Variants in SMYD3 observed in about 807,000 individuals in gnomAD.
SMYD3 encodes the protein SET and MYND domain containing 3.
A neutral mutation model predicts 57.7 loss-of-function variants in SMYD3; 36 were observed. That is an observed-to-expected ratio of 0.62 (90% confidence interval 0.48 to 0.82). SMYD3 has a LOEUF of 0.82. Ranked by LOEUF, SMYD3 falls within the 40% of genes least tolerant of loss-of-function variation. The pLI is 0.00. For missense variants in SMYD3, 515 were observed against 538.8 expected (o/e 0.96, Z 0.44); for synonymous variants, 211 against 195.0 (o/e 1.08, Z -0.68).
At position 245,939,719 on chromosome 1, in the gene SMYD3, C is replaced by G. The variant is rs534993211; in HGVS notation, c.532-9782G>C. 3.3e-5 allele frequency among the ~76,000 whole-genome samples: 5 copies of G among 152,286 alleles called. No homozygotes were observed. In the East Asian group the frequency reaches 9.6e-4, roughly 29 times the overall value. ...TCTGGTCCCCATCAACTTTTCTAGT[C>G]TCTTCTCTAGTGTCTGCCTTCTCAT... On this transcript the variant is annotated intron_variant, in intron 5 of 11. Coordinates refer to ENST00000490107, the MANE Select transcript of SMYD3 (RefSeq NM_001167740.2).
intron 10 of SMYD3, among the ~76,000 whole-genome samples, chr1:245,787,957 C>T (rs952811701): frequency 6.6e-6 from 1 of 152,178 alleles, no homozygotes; most frequent in Non-Finnish European, 1.5e-5. Flanking sequence ...GCTGAAGTGT[C>T]CTTTAAATCA....
At chr1:246,240,463 T>C (rs1365401661) in intron 5 of SMYD3, among the ~76,000 whole-genome samples, 1 of 152,212 alleles carries the variant, frequency 6.6e-6, no homozygotes, top group East Asian at 1.9e-4. Context: ...TCTGTTTTGG[T>C]ACCAGGACCA....
intron 5 of SMYD3, among the ~76,000 whole-genome samples, chr1:246,050,087 G>A (rs1453558195): frequency 6.6e-6 from 1 of 152,174 alleles, no homozygotes; most frequent in Admixed American, 6.5e-5. Flanking sequence ...TTAGAGATTA[G>A]GGCCATAAAC....
intron 11 of SMYD3, among the ~76,000 whole-genome samples, chr1:245,762,447 T>C (rs2045887557): frequency 1.3e-5 from 2 of 152,204 alleles, no homozygotes; most frequent in African/African-American, 4.8e-5. Flanking sequence ...GTCAGGACTT[T>C]CACACAGTAG....
At chr1:245,808,171 G>A (rs1041139591) in intron 10 of SMYD3, among the ~76,000 whole-genome samples, 1 of 152,156 alleles carries the variant, frequency 6.6e-6, no homozygotes, top group Non-Finnish European at 1.5e-5. Flanking sequence ...CTGCAGTTGA[G>A]TTCTGGTACA....
intron 5 of SMYD3, among the ~76,000 whole-genome samples, chr1:246,087,326 A>C (rs751243636): frequency 1.3e-5 from 2 of 152,184 alleles, no homozygotes; most frequent in African/African-American, 4.8e-5. Flanking sequence ...ACTAGACATA[A>C]GTTCCATGAA....
chr1:245,898,810 C>G (rs2053999723), intron 8 of SMYD3, among the ~76,000 whole-genome samples: 1 of 152,168 alleles, frequency 6.6e-6, no homozygotes, highest in South Asian at 2.1e-4. Context: ...AAGCAGCACG[C>G]TATGTTCTTG....
Position 246,033,658 on chromosome 1 carries a change from G to A in SMYD3, c.532-103721C>T, listed in dbSNP as rs553949939. Among the ~76,000 whole-genome samples the A allele has an allele frequency of 3.9e-5, 6 of 152,190 alleles. No homozygotes were observed. The South Asian group carries it at 8.3e-4, about 21-fold the overall frequency. ...AAAAATTAGCCAGGCGTGGTGGCGC[G>A]TGCCTGTAATCTCACCTACTCGTGA... On this transcript the variant is annotated intron_variant, in intron 5 of 11. Transcript: ENST00000490107.
intron 5 of SMYD3, among the ~76,000 whole-genome samples, chr1:246,261,826 C>CATCTGTACAG (rs1172258458): frequency 2.6e-5 from 4 of 152,204 alleles, no homozygotes; most frequent in African/African-American, 9.7e-5. Context: ...TGGGCATAAA[C>CATCTGTACAG]AGCGCCCTCT....
chr1:246,465,833 C>A (rs2067873931), intron 1 of SMYD3, among the ~76,000 whole-genome samples: 4 of 152,190 alleles, frequency 2.6e-5, no homozygotes, highest in Admixed American at 2.6e-4. Context: ...AGTGCAGTGG[C>A]ACAATCTCAG....
intron 5 of SMYD3, among the ~76,000 whole-genome samples, chr1:245,998,522 T>C (rs963667973): frequency 8.5e-5 from 13 of 152,142 alleles, no homozygotes; most frequent in East Asian, 5.8e-4. Flanking sequence ...AAAGTAAATA[T>C]TGGTGAGGAT....
At chr1:246,320,012 AT>A (rs2065220524) in intron 5 of SMYD3, among the ~76,000 whole-genome samples, 1 of 152,216 alleles carries the variant, frequency 6.6e-6, no homozygotes. Context: ...AAACACAAGC[AT>A]GTAATCTTGA....
chr1:246,504,241 G>A (rs965247162), intron 1 of SMYD3, among the ~76,000 whole-genome samples: 23 of 152,164 alleles, frequency 1.5e-4, no homozygotes, highest in African/African-American at 5.5e-4. Flanking sequence ...AGGAAGTAGA[G>A]ATGTGCATCC....
At chr1:245,817,200 G>A (rs1253550586) in intron 10 of SMYD3, among the ~76,000 whole-genome samples, 2 of 147,616 alleles carry the variant, frequency 1.4e-5, no homozygotes, top group South Asian at 4.4e-4. Flanking sequence ...CTGGAGATCT[G>A]AGAACGGGCA....
intron 10 of SMYD3, among the ~76,000 whole-genome samples, chr1:245,773,764 C>A (rs1183674711): frequency 6.6e-6 from 1 of 152,096 alleles, no homozygotes; most frequent in Non-Finnish European, 1.5e-5. Context: ...TTTAATACAT[C>A]CTTGAGAAAA....
At chr1:245,920,118 C>A (rs1298343558) in intron 7 of SMYD3, among the ~76,000 whole-genome samples, 1 of 151,990 alleles carries the variant, frequency 6.6e-6, no homozygotes, top group Non-Finnish European at 1.5e-5. Context: ...TTGAGACCAT[C>A]CTGGCTAACA....
chr1:246,205,259 T>A (rs947560724), intron 5 of SMYD3, among the ~76,000 whole-genome samples: 7 of 152,224 alleles, frequency 4.6e-5, no homozygotes, highest in Admixed American at 4.6e-4. Flanking sequence ...AATACTTAGG[T>A]GTCATCTCTT....
chr1:246,422,514 T>A (rs2102999127), intron 1 of SMYD3, among the ~76,000 whole-genome samples: 1 of 152,238 alleles, frequency 6.6e-6, no homozygotes, highest in African/African-American at 2.4e-5. Context: ...AACTTCCACC[T>A]CCTGCGTTCA....
At chr1:246,007,193 C>T (rs1276753211) in intron 5 of SMYD3, among the ~76,000 whole-genome samples, 1 of 152,190 alleles carries the variant, frequency 6.6e-6, no homozygotes, top group Non-Finnish European at 1.5e-5. Context: ...CCCACAGGAC[C>T]GTAACTTATC....
Sources: allele counts gnomAD v4.1 joint callset (sites outside exome capture counted in the v4.1 genomes callset), GRCh38; gene constraint gnomAD v4.1.1; transcripts MANE v1.5; gene names NCBI Gene and HGNC (gene_info 2026-07-23, HGNC 2026-07-21).